FRMD4A: variants seen among roughly 807,000 people sequenced by gnomAD.
The protein encoded by FRMD4A is FERM domain containing 4A.
FRMD4A carries 29 observed loss-of-function variants against 129.1 expected under a neutral mutation model. That is an observed-to-expected ratio of 0.22 (90% CI 0.17 to 0.31). The LOEUF is 0.31. FRMD4A is among the 10% of genes least tolerant of loss of function. The pLI is 1.00. For synonymous variants in FRMD4A, 634 were observed against 571.6 expected, an observed-to-expected ratio of 1.11 and a Z score of -1.56; for missense variants, 1,272 against 1,375.8, an observed-to-expected ratio of 0.92 and a Z score of 1.19.
rs749376126 is a variant in FRMD4A at position 13,657,322 on chromosome 10, G to C, written c.2267C>G (p.Ser756Trp). The change falls in exon 22 of 25, where the codon TCG (serine) becomes TGG (tryptophan). Residue 756 changes from serine (S) to tryptophan (W), a missense_variant. This residue lies in a region of FRMD4A where 972 missense variants were observed against 892.3 expected (regional missense o/e 1.09). Coordinates refer to ENST00000357447, the MANE Select transcript of FRMD4A (RefSeq NM_018027.5). ...CATCTGCGCCGGGTAGTAGTGCTCC[G>C]AGCTCGAGTGGCTGGTGCACGACGA... ...DCSSCTSHSS[S>W]EHYYPAQMNA... is the part of the protein sequence containing the mutation. 1 of 1,611,896 alleles carries C rather than the reference G, an allele frequency of 6.2e-7. No homozygotes were observed. Among genetic ancestry groups the C allele is most frequent in the South Asian group, 1.1e-5 (1 of 91,002 alleles).
At position 13,646,016 on chromosome 10, in the gene FRMD4A, C is replaced by G. The variant is rs532852179; in HGVS notation, c.*1022G>C. On this transcript the variant is annotated 3_prime_UTR_variant, in exon 25 of 25. Transcript: ENST00000357447. ...GCTTTGAGTCTTGGGCTCGGCTGAACCCCCTGCATGGACCGGGGCTAACAG... is the reference window on the plus strand; with the variant it reads ...GCTTTGAGTCTTGGGCTCGGCTGAAGCCCCTGCATGGACCGGGGCTAACAG... 6 of 152,462 alleles carry G rather than the reference C, an allele frequency of 3.9e-5. No homozygotes were observed. The highest frequency in any genetic ancestry group is 1.4e-4 in the African/African-American group (6 of 41,532). The allele number at this position is 152,462 out of a possible 1,614,324, so 9.4% of individuals were successfully genotyped here.
In FRMD4A at chr10:14,217,832, C is replaced by CT. The variant is rs879693692; in HGVS notation, c.45+112225dup. The stretch of plus-strand genomic sequence containing the variant: ...GATCATTTATTTTTACTCTCTCTCT[C>CT]TTTTTTTTTTTGCTTTGAGACAGAG... On this transcript the variant is annotated intron_variant, in intron 2 of 24. Transcript: ENST00000357447. Among the ~76,000 whole-genome samples, 523 of 146,394 alleles carry CT rather than the reference C, an allele frequency of 3.6e-3. 4 individuals carry two copies. Among genetic ancestry groups the CT allele is most frequent in the African/African-American group, 0.011 (424 of 40,238 alleles).
chr10:13,679,692 C>T (rs372053018), intron 15 of FRMD4A, among the ~76,000 whole-genome samples: 5 of 151,686 alleles, frequency 3.3e-5, no homozygotes, highest in Non-Finnish European at 5.9e-5. Context: ...CGTATTGTAA[C>T]GAAAAGAGGT....
At chr10:13,918,824 C>T (rs546767643) in intron 2 of FRMD4A, among the ~76,000 whole-genome samples, 62 of 151,570 alleles carry the variant, frequency 4.1e-4, no homozygotes, top group Non-Finnish European at 6.9e-4. Context: ...CATCATGCCC[C>T]GCCAGTCAAT....
chr10:14,129,093 T>C lies in FRMD4A; in HGVS notation c.45+200965A>G, dbSNP rs373856677. Among the ~76,000 whole-genome samples the C allele has an allele frequency of 2.6e-5, 4 of 151,898 alleles. No homozygotes were observed. The South Asian group carries it at 8.3e-4, about 32-fold the overall frequency. ...CAATACCCTATTTCCTCTTCCCTTCTCAAAATCTTCTCCAAACCCATGACT... is the reference window on the plus strand; with the variant it reads ...CAATACCCTATTTCCTCTTCCCTTCCCAAAATCTTCTCCAAACCCATGACT... On this transcript the variant is annotated intron_variant, in intron 2 of 24. Coordinates refer to ENST00000357447, the MANE Select transcript of FRMD4A (RefSeq NM_018027.5).
rs965406616 is a variant in FRMD4A, at chr10:14,198,575, T to C, written c.45+131483A>G. On this transcript the variant is annotated intron_variant, in intron 2 of 24. Transcript: ENST00000357447. ...TGGATCCTTGAGTTTTGCAGTTTGT[T>C]TCCTCTCATTTCCTCCTTGCTCTCT... Among the ~76,000 whole-genome samples, 3 of 152,310 alleles carry C rather than the reference T, an allele frequency of 2.0e-5. No homozygotes were observed. In the East Asian group the frequency reaches 5.8e-4, roughly 29 times the overall value.
intron 22 of FRMD4A, among the ~76,000 whole-genome samples, chr10:13,656,150 C>CTGTT (rs1171534681): frequency 3.9e-5 from 6 of 152,224 alleles, no homozygotes; most frequent in African/African-American, 1.4e-4. Flanking sequence ...AGCTCTGGCA[C>CTGTT]TGTTTATTAG....
At chr10:14,231,915 G>C (rs1291233146) in intron 2 of FRMD4A, among the ~76,000 whole-genome samples, 1 of 152,144 alleles carries the variant, frequency 6.6e-6, no homozygotes, top group African/African-American at 2.4e-5. Context: ...CTTTTTCTGT[G>C]CAGAAGCTCT....
chr10:13,807,125 G>A (rs1425905834), intron 4 of FRMD4A, among the ~76,000 whole-genome samples: 2 of 152,244 alleles, frequency 1.3e-5, no homozygotes, highest in East Asian at 3.9e-4. Context: ...TTTTAACATT[G>A]GATTTATAAC....
At chr10:14,021,130 T>G (rs1832726063) in intron 2 of FRMD4A, among the ~76,000 whole-genome samples, 1 of 152,114 alleles carries the variant, frequency 6.6e-6, no homozygotes, top group Non-Finnish European at 1.5e-5. Context: ...TAGGAAGTGG[T>G]ACCAAGCTGG....
chr10:14,242,696 G>A (rs890889222), intron 2 of FRMD4A, among the ~76,000 whole-genome samples: 2 of 152,148 alleles, frequency 1.3e-5, no homozygotes, highest in South Asian at 2.1e-4. Flanking sequence ...CCTGTCCTTC[G>A]TACAAATAAT....
chr10:13,848,669 G>T (rs1236670574), intron 3 of FRMD4A, among the ~76,000 whole-genome samples: 1 of 150,918 alleles, frequency 6.6e-6, no homozygotes, highest in East Asian at 2.0e-4. Context: ...CTAGATGATC[G>T]CATCAATCTG....
intron 8 of FRMD4A, among the ~76,000 whole-genome samples, chr10:13,754,525 A>G (rs2091772702): frequency 6.6e-6 from 1 of 151,872 alleles, no homozygotes; most frequent in South Asian, 2.1e-4. Flanking sequence ...TGGCCCTTAA[A>G]GTCATTTTTA....
chr10:13,884,142 A>ATG lies in FRMD4A; in HGVS notation c.46-25231_46-25230insCA, dbSNP rs1564970491. ...CACACTCACACACACGCTCACACAC[A>ATG]CTCTCACACACTCTCACACACACAC... On this transcript the variant is annotated intron_variant, in intron 2 of 24. Transcript: ENST00000357447. 5.8e-4 allele frequency among the ~76,000 whole-genome samples: 17 copies of ATG among 29,528 alleles called. 1 individual carries two copies. The highest frequency in any genetic ancestry group is 3.2e-4 in the Admixed American group (1 of 3,114). 19.4% of individuals were successfully genotyped at this position (29,528 alleles called of 152,430 possible). A position where few individuals can be genotyped will look rare whatever the true frequency, so the allele number is the denominator to read the frequency against.
At chr10:14,035,330 T>A (rs1310616156) in intron 2 of FRMD4A, among the ~76,000 whole-genome samples, 1 of 151,276 alleles carries the variant, frequency 6.6e-6, no homozygotes, top group Non-Finnish European at 1.5e-5. Context: ...GAGGACTGCA[T>A]GAATCCGTGA....
chr10:14,166,471 C>G (rs1380379442), intron 2 of FRMD4A, among the ~76,000 whole-genome samples: 4 of 152,128 alleles, frequency 2.6e-5, no homozygotes, highest in Non-Finnish European at 5.9e-5. Context: ...GTCAGCACAG[C>G]TTTGTTTTAT....
At chr10:13,763,759 A>G (rs914793287) in intron 6 of FRMD4A, among the ~76,000 whole-genome samples, 2 of 152,126 alleles carry the variant, frequency 1.3e-5, no homozygotes, top group African/African-American at 4.8e-5. Context: ...TCTCTGAGAC[A>G]GAGTCTTGCT....
At chr10:13,723,880 T>C (rs757926806) in intron 12 of FRMD4A, among the ~76,000 whole-genome samples, 8 of 152,170 alleles carry the variant, frequency 5.3e-5, no homozygotes, top group Admixed American at 2.0e-4. Flanking sequence ...GGAGCTCAGA[T>C]GGGAGAATGG....
At chr10:14,155,477 T>C (rs1840551389) in intron 2 of FRMD4A, among the ~76,000 whole-genome samples, 1 of 152,124 alleles carries the variant, frequency 6.6e-6, no homozygotes, top group African/African-American at 2.4e-5. Context: ...CTCCAGGGCT[T>C]AGCGTCTGTC....
Sources: gnomAD v4.1 joint callset for allele counts (sites outside exome capture counted in the v4.1 genomes callset) on GRCh38, gnomAD v4.1.1 for gene constraint, gnomAD v4.1.1 regional missense constraint, MANE v1.5 for transcripts, NCBI Gene and HGNC (gene_info 2026-07-23, HGNC 2026-07-21) for gene names.